The following GRID1 variants were observed in gnomAD, a reference collection of about 807,000 sequenced individuals.
GRID1 encodes the protein glutamate ionotropic receptor delta type subunit 1, also known as glutamate receptor ionotropic, delta-1.
GRID1 carries 28 observed loss-of-function variants against 98.0 expected under a neutral mutation model. The ratio of observed to expected loss-of-function variants is 0.29; its 90% CI spans 0.21 to 0.39. The LOEUF (loss-of-function observed/expected upper bound fraction) is 0.39, where lower values mean the gene tolerates loss of function less well. Among genes scored for constraint, GRID1 ranks in the 10% least tolerant of loss-of-function variants. The pLI is 1.00. For synonymous variants in GRID1, 553 were observed against 538.5 expected (o/e 1.03, Z -0.37); for missense variants, 1,111 against 1,340.5 (o/e 0.83, Z 2.67).
At chr10:85,858,481 G>A (rs1843134921) in intron 6 of GRID1, among the ~76,000 whole-genome samples, 1 of 152,132 alleles carries the variant, frequency 6.6e-6, no homozygotes, top group African/African-American at 2.4e-5. Flanking sequence ...TCAATGAGCA[G>A]GACTAATTCA....
intron 4 of GRID1, among the ~76,000 whole-genome samples, chr10:85,997,217 T>C (rs558095356): frequency 1.3e-5 from 2 of 152,160 alleles, no homozygotes; most frequent in Admixed American, 1.3e-4. Context: ...CTGGCCAAGA[T>C]GGTGAAACCC....
At chr10:85,740,496 C>T (rs1209179154) in intron 8 of GRID1, among the ~76,000 whole-genome samples, 1 of 152,094 alleles carries the variant, frequency 6.6e-6, no homozygotes, top group Non-Finnish European at 1.5e-5. Flanking sequence ...AAAAAAGTGG[C>T]AGGTGTCTCC....
At chr10:86,130,550 G>A (rs570227690) in intron 4 of GRID1, among the ~76,000 whole-genome samples, 2 of 152,344 alleles carry the variant, frequency 1.3e-5, no homozygotes, top group South Asian at 2.1e-4. Flanking sequence ...TGAATGTCGA[G>A]AGGAGTTCGG....
chr10:85,837,098 C>T (rs1842917774), intron 8 of GRID1, among the ~76,000 whole-genome samples: 1 of 152,100 alleles, frequency 6.6e-6, no homozygotes, highest in East Asian at 1.9e-4. Flanking sequence ...ACCCCCACCA[C>T]CGACTGTCAC....
At chr10:86,100,213 T>G (rs1211686226) in intron 4 of GRID1, among the ~76,000 whole-genome samples, 6 of 152,148 alleles carry the variant, frequency 3.9e-5, no homozygotes, top group Non-Finnish European at 8.8e-5. Flanking sequence ...ATCACACACA[T>G]AACTGAGCCT....
chr10:86,070,036 C>G (rs1843781288), intron 4 of GRID1, among the ~76,000 whole-genome samples: 1 of 152,106 alleles, frequency 6.6e-6, no homozygotes, highest in African/African-American at 2.4e-5. Context: ...AAGCCAGGAG[C>G]CTGGGTAGAG....
At chr10:85,925,643 G>A (rs1303480318) in intron 4 of GRID1, among the ~76,000 whole-genome samples, 1 of 152,216 alleles carries the variant, frequency 6.6e-6, no homozygotes, top group African/African-American at 2.4e-5. Flanking sequence ...GCTGCTGCCT[G>A]CATCCAAAGA....
intron 13 of GRID1, among the ~76,000 whole-genome samples, chr10:85,643,101 T>A (rs879680808): frequency 2.0e-5 from 3 of 152,140 alleles, no homozygotes; most frequent in Admixed American, 1.3e-4. Context: ...CAGCATACCA[T>A]CCATACCAAC....
chr10:86,015,197 C>T (rs896984203), intron 4 of GRID1, among the ~76,000 whole-genome samples: 5 of 152,218 alleles, frequency 3.3e-5, no homozygotes, highest in African/African-American at 1.2e-4. Flanking sequence ...GCCTCAGCCC[C>T]TAGAACTGTG....
intron 2 of GRID1, among the ~76,000 whole-genome samples, chr10:86,231,063 G>A (rs983458585): frequency 7.2e-5 from 11 of 152,312 alleles, no homozygotes; most frequent in African/African-American, 2.4e-4. Context: ...TCTGGCTCCA[G>A]CAAACCCAAA....
chr10:85,915,160 T>A (rs1482388036), intron 5 of GRID1, among the ~76,000 whole-genome samples: 1 of 152,018 alleles, frequency 6.6e-6, no homozygotes, highest in Non-Finnish European at 1.5e-5. Context: ...TCCCTTTACA[T>A]GGGTACACTT....
chr10:86,234,993 G>A (rs1846514568), intron 2 of GRID1, among the ~76,000 whole-genome samples: 1 of 152,212 alleles, frequency 6.6e-6, no homozygotes, highest in Admixed American at 6.5e-5. Flanking sequence ...CAGTGGAGGG[G>A]AGAAAGCTCC....
chr10:85,669,741 C>T (rs888406833), intron 12 of GRID1, among the ~76,000 whole-genome samples: 3 of 152,286 alleles, frequency 2.0e-5, no homozygotes, highest in African/African-American at 7.2e-5. Context: ...CCTTCTGTGT[C>T]CTGCTCCAAC....
At chr10:85,939,613 C>T (rs1458104521) in intron 4 of GRID1, among the ~76,000 whole-genome samples, 1 of 152,154 alleles carries the variant, frequency 6.6e-6, no homozygotes, top group Non-Finnish European at 1.5e-5. Context: ...CTTTGTCTCC[C>T]TCTCCCACTT....
chr10:86,044,757 C>G, intron 4 of GRID1, among the ~76,000 whole-genome samples: 1 of 152,206 alleles, frequency 6.6e-6, no homozygotes. Context: ...TCACACTTTT[C>G]TCTGCTAGAG....
intron 5 of GRID1, among the ~76,000 whole-genome samples, chr10:85,871,444 T>C (rs1202525709): frequency 6.6e-6 from 1 of 152,136 alleles, no homozygotes; most frequent in Non-Finnish European, 1.5e-5. Flanking sequence ...ACAATTTCAG[T>C]GATGGAAGAG....
chr10:86,288,633 C>T (rs1389118991), intron 2 of GRID1, among the ~76,000 whole-genome samples: 1 of 152,210 alleles, frequency 6.6e-6, no homozygotes, highest in Non-Finnish European at 1.5e-5. Context: ...TATGTTGGAG[C>T]CTCCTCAAAG....
At chr10:86,181,215 C>T (rs1157636770) in intron 3 of GRID1, among the ~76,000 whole-genome samples, 1 of 152,348 alleles carries the variant, frequency 6.6e-6, no homozygotes, top group African/African-American at 2.4e-5. Flanking sequence ...TGCACCCACC[C>T]AAGGCCTCCC....
intron 12 of GRID1, among the ~76,000 whole-genome samples, chr10:85,688,571 G>C (rs1250529271): frequency 1.3e-5 from 2 of 152,120 alleles, no homozygotes; most frequent in Non-Finnish European, 2.9e-5. Context: ...CTAGGTGTGT[G>C]AACACCTGCT....
Sources: gnomAD v4.1 joint callset for allele counts (sites outside exome capture counted in the v4.1 genomes callset) on GRCh38, gnomAD v4.1.1 for gene constraint, MANE v1.5 for transcripts, NCBI Gene and HGNC (gene_info 2026-07-23, HGNC 2026-07-21) for gene names.